Variants in SCG3 observed in about 807,000 individuals in gnomAD.
SCG3 encodes secretogranin III, also known as secretogranin-3.
Under a neutral mutation model 56.2 loss-of-function variants are expected in SCG3, and 38 were observed. That is an observed-to-expected ratio of 0.68 (90% CI 0.52 to 0.89). SCG3 has a LOEUF of 0.89. SCG3 is among the 40% of genes least tolerant of loss of function. The probability of loss-of-function intolerance (pLI) is 0.00; values close to 1 mark genes in which losing one functional copy is unlikely to be tolerated. For synonymous variants in SCG3, 176 were observed against 184.2 expected (o/e 0.96, Z 0.36); for missense variants, 524 against 540.7 (o/e 0.97, Z 0.31).
chr15:51,718,353 C>A (rs988048730), intron 11 of SCG3, among the ~76,000 whole-genome samples: 3 of 152,076 alleles, frequency 2.0e-5, no homozygotes, highest in Non-Finnish European at 2.9e-5. Context: ...TAACAGGGAG[C>A]AGATGTCCTG....
Position 51,689,311 on chromosome 15 carries a change from T to A in SCG3, c.633T>A (p.Asp211Glu). The A allele has an allele frequency of 6.2e-7, 1 of 1,613,290 alleles. No homozygotes were observed. Among genetic ancestry groups the A allele is most frequent in the East Asian group, 2.2e-5 (1 of 44,842 alleles). The change falls in exon 6 of 12, where the codon GAT (aspartate) becomes GAA (glutamate). Residue 211 changes from aspartate (D) to glutamate (E), a missense_variant. By Grantham distance (45) the Asp-to-Glu change is conservative. Transcript: ENST00000220478. Reference protein sequence around the residue: ...ISKEANNYEEDPNKPTSWTEN... With the variant: ...ISKEANNYEEEPNKPTSWTEN... ...AGGAAGCCAACAATTATGAGGAGGA[T>A]CCCAATAAGCCCACAAGCTGGACTG...
intron 4 of SCG3, among the ~76,000 whole-genome samples, chr15:51,684,157 A>C (rs574259613): frequency 1.3e-5 from 2 of 152,238 alleles, no homozygotes; most frequent in South Asian, 4.1e-4. Context: ...CACCTCTCAA[A>C]TTCTAATCTG....
rs193022724 is a variant in SCG3, at chr15:51,704,482, C to T, written c.1207+3238C>T. Among the ~76,000 whole-genome samples the T allele has an allele frequency of 3.7e-4, 56 of 149,972 alleles. No individual in the cohort carries two copies. In the East Asian group the frequency reaches 7.1e-3, roughly 19 times the overall value. ...AACAACACTTTTCCATTCTTGCTGTCCCCACTCCACGGCAATAACCATTCT... is the reference window on the plus strand; with the variant it reads ...AACAACACTTTTCCATTCTTGCTGTTCCCACTCCACGGCAATAACCATTCT... On this transcript the variant is annotated intron_variant, in intron 10 of 11. Transcript: ENST00000220478.
chr15:51,705,616 G>A (rs2055370628), intron 10 of SCG3, among the ~76,000 whole-genome samples: 1 of 151,934 alleles, frequency 6.6e-6, no homozygotes, highest in Admixed American at 6.6e-5. Flanking sequence ...TCGCTGTCCA[G>A]GTTCAAGCAA....
At chr15:51,704,774 TATATATATATATATATATATAC>T (rs1322851128) in intron 10 of SCG3, among the ~76,000 whole-genome samples, 1 of 112,352 alleles carries the variant, frequency 8.9e-6, no homozygotes, top group Non-Finnish European at 1.7e-5. Context: ...CATATATATA[TATATATATATATATATATATAC>T]ATCTCTCTTT....
At chr15:51,698,935 A>G (rs758076117) in intron 8 of SCG3, among the ~76,000 whole-genome samples, 1 of 152,202 alleles carries the variant, frequency 6.6e-6, no homozygotes, top group Non-Finnish European at 1.5e-5. Flanking sequence ...AGTGGAGTCA[A>G]ATGTTCTGAG....
intron 11 of SCG3, among the ~76,000 whole-genome samples, chr15:51,718,663 G>A (rs1333655133): frequency 6.6e-6 from 1 of 152,104 alleles, no homozygotes; most frequent in African/African-American, 2.4e-5. Flanking sequence ...CTTCAGAAAG[G>A]TGTCATAGGC....
intron 11 of SCG3, among the ~76,000 whole-genome samples, chr15:51,714,223 G>A (rs1027574686): frequency 1.3e-5 from 2 of 152,136 alleles, no homozygotes; most frequent in African/African-American, 4.8e-5. Context: ...ATGCCAGGAA[G>A]ACATTTATGT....
At chr15:51,696,804 A>T (rs1430377469) in intron 8 of SCG3, among the ~76,000 whole-genome samples, 1 of 152,138 alleles carries the variant, frequency 6.6e-6, no homozygotes, top group African/African-American at 2.4e-5. Flanking sequence ...CACCAAGGAG[A>T]TGGTGCTAAA....
At chr15:51,709,709 T>A (rs2055405277) in intron 10 of SCG3, among the ~76,000 whole-genome samples, 29 of 29,178 alleles carry the variant, frequency 9.9e-4, no homozygotes, top group East Asian at 2.8e-3. Context: ...ATATTTTTTT[T>A]TTTTTTTTTT....
intron 10 of SCG3, among the ~76,000 whole-genome samples, chr15:51,711,916 T>C (rs2055423423): frequency 6.6e-6 from 1 of 152,062 alleles, no homozygotes; most frequent in Admixed American, 6.5e-5. Context: ...GGCTTCAAGA[T>C]CAGGAAGAAA....
At chr15:51,687,728 T>C (rs1480339201) in intron 4 of SCG3, among the ~76,000 whole-genome samples, 1 of 152,208 alleles carries the variant, frequency 6.6e-6, no homozygotes, top group Non-Finnish European at 1.5e-5. Flanking sequence ...AGTAAATATT[T>C]ATTTTAGGTG....
chr15:51,709,701 A>ATATTTTTTT (rs2055404633), intron 10 of SCG3, among the ~76,000 whole-genome samples: 1 of 22,966 alleles, frequency 4.4e-5, no homozygotes, highest in Non-Finnish European at 6.5e-5. Context: ...ATATATATAT[A>ATATTTTTTT]TTTTTTTTTT....
In SCG3 at chr15:51,683,338, A is replaced by C. The variant is rs1331612768; in HGVS notation, c.301A>C (p.Asn101His). The C allele has an allele frequency of 4.3e-6, 7 of 1,613,620 alleles. No homozygotes were observed. The highest frequency in any genetic ancestry group is 1.6e-4 in the Middle Eastern group (1 of 6,076). ...RQSIRSSPLD[N>H]KLNVEDVDST... Reference sequence around the variant, plus strand: ...ATCTATAAGAAGCTCCCCACTTGATAATAAGTTGAATGTGGAAGATGTTGA... The same window carrying C: ...ATCTATAAGAAGCTCCCCACTTGATCATAAGTTGAATGTGGAAGATGTTGA... Residue 101 changes from asparagine (N) to histidine (H), a missense_variant, in exon 4 of 12, where the codon AAT becomes CAT. Transcript: ENST00000220478.
chr15:51,685,735 G>C (rs1312948163), intron 4 of SCG3, among the ~76,000 whole-genome samples: 3 of 152,302 alleles, frequency 2.0e-5, no homozygotes, highest in South Asian at 4.2e-4. Context: ...CTCGCCTTTA[G>C]GAAGCTTCCA....
chr15:51,686,805 C>A (rs865973358), intron 4 of SCG3, among the ~76,000 whole-genome samples: 1 of 151,576 alleles, frequency 6.6e-6, no homozygotes, highest in African/African-American at 2.4e-5. Context: ...AACAGCTCAG[C>A]AATTTTGTAC....
intron 10 of SCG3, among the ~76,000 whole-genome samples, chr15:51,702,346 T>C (rs1477257274): frequency 6.6e-6 from 1 of 152,168 alleles, no homozygotes; most frequent in African/African-American, 2.4e-5. Flanking sequence ...AACCTCCACC[T>C]CCTGGGTTCA....
At chr15:51,696,728 G>C (rs898321570) in intron 8 of SCG3, among the ~76,000 whole-genome samples, 1 of 152,108 alleles carries the variant, frequency 6.6e-6, no homozygotes, top group Non-Finnish European at 1.5e-5. Context: ...AGGCAAGGGT[G>C]GGGGAGGTGC....
rs74870318 is a variant in SCG3 at position 51,694,768 on chromosome 15, C to T, written c.869-1107C>T. Among the ~76,000 whole-genome samples the T allele has an allele frequency of 2.9e-3, 436 of 152,260 alleles. 22 individuals are homozygous for T. In the East Asian group the frequency reaches 0.065, roughly 23 times the overall value. On this transcript the variant is annotated intron_variant, in intron 7 of 11. Transcript: ENST00000220478. The stretch of plus-strand genomic sequence containing the variant: ...CCAAGAGGCCGAGCGCGGTGGCTCA[C>T]GCCTGTAATCCCCACACTTTGGGAG...
Sources: allele counts gnomAD v4.1 joint callset (sites outside exome capture counted in the v4.1 genomes callset), GRCh38; gene constraint gnomAD v4.1.1; transcripts MANE v1.5; gene names NCBI Gene and HGNC (gene_info 2026-07-23, HGNC 2026-07-21).